KANK3: variants seen among roughly 807,000 people sequenced by gnomAD.
KANK3 encodes the protein KN motif and ankyrin repeat domains 3, also known as KN motif and ankyrin repeat domain-containing protein 3.
Under a neutral mutation model 65.4 loss-of-function variants are expected in KANK3, and 61 were observed. That is an observed-to-expected ratio of 0.93 (90% CI 0.76 to 1.15). The LOEUF (loss-of-function observed/expected upper bound fraction) is 1.15, where lower values mean the gene tolerates loss of function less well. Among genes scored for constraint, KANK3 ranks in the 50% most tolerant of loss-of-function variants. The pLI, the probability that KANK3 is intolerant of heterozygous loss-of-function variation, is 0.00. For missense variants in KANK3, 1,187 were observed against 1,178.8 expected (o/e 1.01, Z -0.10); for synonymous variants, 586 against 543.3 (o/e 1.08, Z -1.09).
In KANK3 at chr19:8,333,344, T is replaced by G; in HGVS notation, c.1720-114A>C. On this transcript the variant is annotated intron_variant, in intron 6 of 10. Coordinates refer to ENST00000330915, the MANE Select transcript of KANK3 (RefSeq NM_198471.3). This position sits in a 1 kb window ranked among gnomAD's most constrained non-coding sequence, Gnocchi z 5.0. ...GACCCATTTGGCGTTTCCAGGCAAG[T>G]AAGGAAGGTCACTCCTCGTCCAGGT... is the stretch of plus-strand genomic sequence containing the variant. The G allele has an allele frequency of 1.2e-6, 1 of 835,974 alleles. No homozygotes were observed. The highest frequency in any genetic ancestry group is 1.8e-6 in the Non-Finnish European group (1 of 545,418). The allele number at this position is 835,974 out of a possible 1,614,324, so 51.8% of individuals were successfully genotyped here.
chr19:8,327,440 G>C (rs1970448176), intron 7 of KANK3, among the ~76,000 whole-genome samples: 1 of 152,164 alleles, frequency 6.6e-6, no homozygotes, highest in East Asian at 1.9e-4. Context: ...GACCATCCTG[G>C]CCAACATGGT....
intron 7 of KANK3, among the ~76,000 whole-genome samples, chr19:8,326,444 G>C (rs1045990850): frequency 7.6e-6 from 1 of 131,520 alleles, no homozygotes; most frequent in African/African-American, 2.9e-5. Context: ...AAAAACACCT[G>C]CCAACACCTT....
At chr19:8,337,436 T>C (rs1377454487) in intron 2 of KANK3, among the ~76,000 whole-genome samples, 1 of 152,012 alleles carries the variant, frequency 6.6e-6, no homozygotes, top group Non-Finnish European at 1.5e-5. Context: ...CTCCTGACCT[T>C]GTGATCTGCC....
intron 7 of KANK3, among the ~76,000 whole-genome samples, chr19:8,331,258 G>A (rs1199576675): frequency 2.0e-5 from 3 of 152,162 alleles, no homozygotes; most frequent in East Asian, 1.9e-4. Context: ...AGGGGCCAAG[G>A]AGCCTGGGGC....
intron 7 of KANK3, among the ~76,000 whole-genome samples, chr19:8,330,958 G>C (rs1357724316): frequency 6.6e-6 from 1 of 151,974 alleles, no homozygotes; most frequent in Non-Finnish European, 1.5e-5. Context: ...AGCACTTTGG[G>C]AGGCCGAGGC....
chr19:8,324,982 C>A lies in KANK3; in HGVS notation c.2051G>T (p.Cys684Phe). Reference sequence around the variant, plus strand: ...GGCCTTGGCATTGACATCACCCATGCAGAAGAGTCTCTGGACCACAGCCAT... The same window carrying A: ...GGCCTTGGCATTGACATCACCCATGAAGAAGAGTCTCTGGACCACAGCCAT... ...EDMAVVQRLFCMGDVNAKASQ... is the reference protein window; with the variant it reads ...EDMAVVQRLFFMGDVNAKASQ... The change falls in exon 8 of 11, where the codon TGC becomes TTC. Residue 684 changes from cysteine (C) to phenylalanine (F), a missense_variant. Coordinates refer to ENST00000330915, the MANE Select transcript of KANK3 (RefSeq NM_198471.3). The A allele has an allele frequency of 6.2e-7, 1 of 1,613,490 alleles. No homozygotes were observed. The highest frequency in any genetic ancestry group is 8.5e-7 in the Non-Finnish European group (1 of 1,179,978).
In KANK3 at chr19:8,332,852, AATAAAATT is replaced by A. The variant is rs1329611874; in HGVS notation, c.1936+154_1936+161del. On this transcript the variant is annotated intron_variant, in intron 7 of 10. Transcript: ENST00000330915. ...AAAATAAAATAAAATAAAATAAAAT[AATAAAATT>A]AAAATAAAATAAAATAAACTCAAGG... 5 of 404,206 alleles carry A rather than the reference AATAAAATT, an allele frequency of 1.2e-5. No homozygotes were observed. In the Admixed American group the frequency reaches 1.3e-4, roughly 11 times the overall value. The allele number at this position is 404,206 out of a possible 1,614,324, so 25.0% of individuals were successfully genotyped here.
At position 8,333,843 on chromosome 19, in the gene KANK3, C is replaced by A. The variant is rs1256180582; in HGVS notation, c.1635-35G>T. 1 of 1,547,296 alleles carries A rather than the reference C, an allele frequency of 6.5e-7. No homozygotes were observed. The highest frequency in any genetic ancestry group is 1.7e-4 in the Middle Eastern group (1 of 5,928). On this transcript the variant is annotated intron_variant, in intron 5 of 10. Coordinates refer to ENST00000330915, the MANE Select transcript of KANK3 (RefSeq NM_198471.3). The surrounding 1 kb of genome is among the most constrained non-coding windows in gnomAD (Gnocchi z 5.0). ...AGGCCAGGAGAGACTCAGGATGGAT[C>A]GGGGACAGCGCCGACCAGGAGGAGG... is the stretch of plus-strand genomic sequence containing the variant.
chr19:8,326,374 A>G (rs1268284807), intron 7 of KANK3, among the ~76,000 whole-genome samples: 1 of 151,648 alleles, frequency 6.6e-6, no homozygotes, highest in Non-Finnish European at 1.5e-5. Flanking sequence ...GTGAGCCAAG[A>G]TCACGCCACT....
chr19:8,333,001 C>A lies in KANK3; in HGVS notation c.1936+13G>T. On this transcript the variant is annotated intron_variant, in intron 7 of 10. Transcript: ENST00000330915. The surrounding 1 kb of genome is among the most constrained non-coding windows in gnomAD (Gnocchi z 5.0). ...ATTTCCTGGTGTCCCACCCACCCTC[C>A]CTTGGCTCTGACCCGTATCCAGGAG... 7.0e-7 allele frequency: 1 copy of A among 1,429,248 alleles called. No individual in the cohort carries two copies. Among genetic ancestry groups the A allele is most frequent in the South Asian group, 1.2e-5 (1 of 82,024 alleles). 88.5% of individuals were successfully genotyped at this position (1,429,248 alleles called of 1,614,324 possible).
Position 8,331,580 on chromosome 19 carries a change from G to A in KANK3, c.1936+1434C>T, listed in dbSNP as rs35725629. ...TACCTGGAGGGAGGGGGCTCCTGGT[G>A]GACAGCGATTTGTTTACCACCCACC... On this transcript the variant is annotated intron_variant, in intron 7 of 10. Coordinates refer to ENST00000330915, the MANE Select transcript of KANK3 (RefSeq NM_198471.3). 9.1e-3 allele frequency among the ~76,000 whole-genome samples: 1,391 copies of A among 152,242 alleles called. 13 individuals carry two copies. The highest frequency in any genetic ancestry group is 0.017 in the South Asian group (80 of 4,826).
rs1223787807 is a variant in KANK3 at position 8,335,691 on chromosome 19, G to A, written c.136C>T (p.Leu46=). ...TCCTCTATGTACTTGAGGAAGTCCA[G>A]GTCCAGGTGGAAGCCGTAGGGCGTC... The part of the protein sequence containing the change: ...VETPYGFHLD[L]DFLKYIEELE... Residue 46 remains leucine (L), a synonymous_variant, in exon 3 of 11, where the codon CTG becomes TTG. Coordinates refer to ENST00000330915, the MANE Select transcript of KANK3 (RefSeq NM_198471.3). The A allele has an allele frequency of 4.0e-6, 5 of 1,254,418 alleles. No individual in the cohort carries two copies. The highest frequency in any genetic ancestry group is 3.9e-5 in the South Asian group (1 of 25,468). 77.7% of individuals were successfully genotyped at this position (1,254,418 alleles called of 1,614,324 possible).
At chr19:8,328,377 A>C (rs1970463502) in intron 7 of KANK3, among the ~76,000 whole-genome samples, 1 of 144,422 alleles carries the variant, frequency 6.9e-6, no homozygotes, top group Non-Finnish European at 1.5e-5. Context: ...CTCTTCACTC[A>C]CCACCCCCAC....
At chr19:8,332,860 T>A (rs946775495) in intron 7 of KANK3, 154 bp downstream of exon 7, 76 of 419,962 alleles carry the variant, frequency 1.8e-4, no homozygotes, top group African/African-American at 6.0e-4. Flanking sequence ...ATAATAAAAT[T>A]AAAATAAAAT....
chr19:8,340,767 T>C (rs1970714056), intron 1 of KANK3, among the ~76,000 whole-genome samples: 1 of 152,054 alleles, frequency 6.6e-6, no homozygotes, highest in South Asian at 2.1e-4. Flanking sequence ...CCCTTCCCAC[T>C]CCAAGGCCAG....
chr19:8,332,890 G>C (rs1970551595), intron 7 of KANK3, 124 bp downstream of exon 7: 2 of 639,588 alleles, frequency 3.1e-6, no homozygotes, highest in African/African-American at 1.8e-5. Flanking sequence ...TCAAGGAGGA[G>C]TGGTGCCCTG....
chr19:8,333,302 G>T lies in KANK3; in HGVS notation c.1720-72C>A. ...GCGCCGTGGTGGGGGAGCTGGGGAG[G>T]GGCGGGACTGGGAAGAGACCCATTT... is the stretch of plus-strand genomic sequence containing the variant. On this transcript the variant is annotated intron_variant, in intron 6 of 10. Coordinates refer to ENST00000330915, the MANE Select transcript of KANK3 (RefSeq NM_198471.3). This position sits in a 1 kb window ranked among gnomAD's most constrained non-coding sequence, Gnocchi z 5.0. 8.0e-7 allele frequency: 1 copy of T among 1,252,094 alleles called. No homozygotes were observed. The highest frequency in any genetic ancestry group is 1.1e-6 in the Non-Finnish European group (1 of 895,910). The allele number at this position is 1,252,094 out of a possible 1,614,324, so 77.6% of individuals were successfully genotyped here. A position where few individuals can be genotyped will look rare whatever the true frequency, so the allele number is the denominator to read the frequency against.
chr19:8,332,764 C>T, intron 7 of KANK3: 1 of 183,146 alleles, frequency 5.5e-6, no homozygotes. Context: ...TTGCAGTGAG[C>T]CGAGATCGCG....
chr19:8,324,777 C>T lies in KANK3; in HGVS notation c.2136G>A (p.Val712=), dbSNP rs59050579. Residue 712 remains valine (V), a synonymous_variant, in exon 9 of 11, where the codon GTG becomes GTA. Coordinates refer to ENST00000330915, the MANE Select transcript of KANK3 (RefSeq NM_198471.3). ...LAISHGRQDM[V]ATLLACGADV... is the part of the protein sequence containing the mutation. Reference sequence around the variant, plus strand: ...CAGCCCCACACGCCAGTAGGGTTGCCACCATGTCCTGTCGGCCATGGCTGA... The same window carrying T: ...CAGCCCCACACGCCAGTAGGGTTGCTACCATGTCCTGTCGGCCATGGCTGA... 1,206 of 1,614,022 alleles carry T rather than the reference C, an allele frequency of 7.5e-4. 5 individuals are homozygous for T. In the African/African-American group the frequency reaches 0.014, roughly 18 times the overall value.
Sources: gnomAD v4.1 joint callset for allele counts (sites outside exome capture counted in the v4.1 genomes callset) on GRCh38, gnomAD v4.1.1 for gene constraint, Gnocchi (gnomAD v3.1) non-coding constraint, MANE v1.5 for transcripts, NCBI Gene and HGNC (gene_info 2026-07-23, HGNC 2026-07-21) for gene names.